HOMER1: variants seen among roughly 807,000 people sequenced by gnomAD.
HOMER1 encodes homer scaffold protein 1, also known as homer protein homolog 1.
Under a neutral mutation model 48.9 loss-of-function variants are expected in HOMER1, and 3 were observed. The observed-to-expected ratio is 0.06, with a 90% CI of 0.03 to 0.16. HOMER1 has a LOEUF of 0.16. Among genes scored for constraint, HOMER1 ranks in the 10% least tolerant of loss-of-function variants. The probability of loss-of-function intolerance (pLI) is 1.00; values close to 1 mark genes in which losing one functional copy is unlikely to be tolerated. For missense variants in HOMER1, 247 were observed against 411.4 expected, an observed-to-expected ratio of 0.60 and a Z score of 3.46; for synonymous variants, 134 against 146.4, an observed-to-expected ratio of 0.92 and a Z score of 0.61.
At chr5:79,484,235 G>C (rs1752033311) in intron 1 of HOMER1, among the ~76,000 whole-genome samples, 1 of 151,686 alleles carries the variant, frequency 6.6e-6, no homozygotes, top group African/African-American at 2.4e-5. Flanking sequence ...CATTTAAAAA[G>C]AAAAGGTATA....
At chr5:79,394,691 G>A (rs1749336129) in intron 8 of HOMER1, among the ~76,000 whole-genome samples, 1 of 152,120 alleles carries the variant, frequency 6.6e-6, no homozygotes, top group Non-Finnish European at 1.5e-5. Flanking sequence ...AGTGATCCAA[G>A]CAGCTGGGAC....
At chr5:79,378,871 T>G (rs1034574761) in intron 8 of HOMER1, among the ~76,000 whole-genome samples, 1 of 151,454 alleles carries the variant, frequency 6.6e-6, no homozygotes, top group African/African-American at 2.4e-5. Context: ...CTCTCTAGAA[T>G]GAATCCCCTA....
At chr5:79,409,991 C>T (rs1472478195) in intron 5 of HOMER1, among the ~76,000 whole-genome samples, 3 of 152,160 alleles carry the variant, frequency 2.0e-5, no homozygotes, top group Non-Finnish European at 4.4e-5. Flanking sequence ...TTATATGATC[C>T]AGCAATTCTA....
chr5:79,434,384 A>G (rs60372847), intron 5 of HOMER1, among the ~76,000 whole-genome samples: 3,712 of 152,054 alleles, frequency 0.024, 149 homozygotes, highest in African/African-American at 0.084. Context: ...TAGACAGCTG[A>G]TGCTATGAAG....
intron 8 of HOMER1, among the ~76,000 whole-genome samples, chr5:79,381,936 A>C (rs1243608405): frequency 6.6e-6 from 1 of 152,130 alleles, no homozygotes; most frequent in African/African-American, 2.4e-5. Flanking sequence ...GCTATGAATG[A>C]GAAATTTACC....
chr5:79,456,474 G>C (rs955412538), intron 2 of HOMER1, among the ~76,000 whole-genome samples: 1 of 152,170 alleles, frequency 6.6e-6, no homozygotes, highest in Admixed American at 6.5e-5. Flanking sequence ...ATAGGATATA[G>C]GGACTTTAAA....
intron 1 of HOMER1, among the ~76,000 whole-genome samples, chr5:79,476,761 C>T (rs1041674063): frequency 1.3e-5 from 2 of 152,158 alleles, no homozygotes; most frequent in East Asian, 1.9e-4. Flanking sequence ...AGAAGCTCCC[C>T]GAACCCTGTT....
Position 79,430,367 on chromosome 5 carries a change from G to C in HOMER1, c.527+8643C>G, listed in dbSNP as rs1037384434. Among the ~76,000 whole-genome samples the C allele has an allele frequency of 2.6e-5, 4 of 152,124 alleles. No homozygotes were observed. The East Asian group carries it at 7.7e-4, about 29-fold the overall frequency. On this transcript the variant is annotated intron_variant, in intron 5 of 8. Coordinates refer to ENST00000334082, the MANE Select transcript of HOMER1 (RefSeq NM_004272.5). ...CAGGATGGCTATAATAAAAAAGACA[G>C]ACAATAACAAGTGCTGATGACATGG...
At chr5:79,468,455 TAA>T (rs1561375553) in intron 1 of HOMER1, among the ~76,000 whole-genome samples, 1 of 152,238 alleles carries the variant, frequency 6.6e-6, no homozygotes, top group Non-Finnish European at 1.5e-5. Flanking sequence ...TAATCACTTT[TAA>T]AAAGATAGCA....
At chr5:79,496,313 G>A (rs1752418930) in intron 1 of HOMER1, among the ~76,000 whole-genome samples, 1 of 152,074 alleles carries the variant, frequency 6.6e-6, no homozygotes, top group Non-Finnish European at 1.5e-5. Context: ...ACAGGAGTGG[G>A]GCCTAAAATA....
chr5:79,395,168 G>A (rs539915419), intron 8 of HOMER1, among the ~76,000 whole-genome samples: 1 of 152,274 alleles, frequency 6.6e-6, no homozygotes, highest in Non-Finnish European at 1.5e-5. Flanking sequence ...ACCTGCTACT[G>A]TGAGAATTAG....
At chr5:79,415,507 T>C (rs1450115688) in intron 5 of HOMER1, among the ~76,000 whole-genome samples, 2 of 152,340 alleles carry the variant, frequency 1.3e-5, no homozygotes, top group Non-Finnish European at 2.9e-5. Flanking sequence ...AAGCCATTTA[T>C]TTTACATATA....
At chr5:79,439,250 G>C in intron 4 of HOMER1, 101 bp from the exon 5 acceptor site, 1 of 1,013,730 alleles carries the variant, frequency 9.9e-7, no homozygotes, top group South Asian at 2.2e-5. Context: ...GCTTACTGAT[G>C]AACCAAATTT....
intron 1 of HOMER1, among the ~76,000 whole-genome samples, chr5:79,476,440 C>G (rs1216587315): frequency 6.6e-6 from 1 of 152,114 alleles, no homozygotes; most frequent in African/African-American, 2.4e-5. Context: ...TCAGATCGCA[C>G]AGGCTGAGAG....
intron 1 of HOMER1, among the ~76,000 whole-genome samples, chr5:79,463,588 T>G: frequency 6.6e-6 from 1 of 152,186 alleles, no homozygotes; most frequent in Non-Finnish European, 1.5e-5. Flanking sequence ...TTTAAAAAAC[T>G]ATGCAAATGA....
rs182019115 is a variant in HOMER1, at chr5:79,509,743, A to G, written c.5+3027T>C. Among the ~76,000 whole-genome samples, 8 of 152,328 alleles carry G rather than the reference A, an allele frequency of 5.3e-5. No individual in the cohort carries two copies. The East Asian group carries it at 1.5e-3, about 29-fold the overall frequency. On this transcript the variant is annotated intron_variant, in intron 1 of 8. Coordinates refer to ENST00000334082, the MANE Select transcript of HOMER1 (RefSeq NM_004272.5). ...TCCAAAAAGTTCATAAACTACTATT[A>G]GGGGAGCCATAATTTTTTTCTGCCC...
intron 5 of HOMER1, among the ~76,000 whole-genome samples, chr5:79,417,333 G>A (rs533266549): frequency 4.6e-5 from 7 of 152,100 alleles, no homozygotes; most frequent in East Asian, 3.9e-4. Context: ...TAGTAGAGAC[G>A]GGGTTTCACC....
intron 1 of HOMER1, among the ~76,000 whole-genome samples, chr5:79,500,633 CTTTTT>C (rs200420964): frequency 1.2e-4 from 18 of 148,242 alleles, no homozygotes. Flanking sequence ...TATATTTTAT[CTTTTT>C]TTTTTTCTGA....
At chr5:79,380,717 G>A (rs1748947119) in intron 8 of HOMER1, among the ~76,000 whole-genome samples, 2 of 152,058 alleles carry the variant, frequency 1.3e-5, no homozygotes, top group East Asian at 1.9e-4. Context: ...GCATATAATC[G>A]GGGGGTAGGG....
Sources: gnomAD v4.1 joint callset for allele counts (sites outside exome capture counted in the v4.1 genomes callset) on GRCh38, gnomAD v4.1.1 for gene constraint, MANE v1.5 for transcripts, NCBI Gene and HGNC (gene_info 2026-07-23, HGNC 2026-07-21) for gene names.